BMP6: variants seen among roughly 807,000 people sequenced by gnomAD.
BMP6 encodes VG-1-R.
Under a neutral mutation model 54.1 loss-of-function variants are expected in BMP6, and 17 were observed. The ratio of observed to expected loss-of-function variants is 0.31; its 90% CI spans 0.22 to 0.47. The LOEUF (loss-of-function observed/expected upper bound fraction) is 0.47. Ranked by LOEUF, BMP6 falls within the 20% of genes least tolerant of loss-of-function variation. The probability of loss-of-function intolerance (pLI) is 1.00; values close to 1 mark genes in which losing one functional copy is unlikely to be tolerated. For synonymous variants in BMP6, 328 were observed against 291.2 expected (o/e 1.13, Z -1.28); for missense variants, 720 against 690.4 (o/e 1.04, Z -0.48).
chr6:7,879,850 T>C lies in BMP6; in HGVS notation c.1282-141T>C, dbSNP rs1759684226. On this transcript the variant is annotated intron_variant, in intron 5 of 6. Coordinates refer to ENST00000283147, the MANE Select transcript of BMP6 (RefSeq NM_001718.6). ...CAGCATTGCCACTTGAATGTGAACT[T>C]GGACAAATTCCTAAGCCTTCCTGCG... The C allele has an allele frequency of 4.6e-6, 4 of 869,456 alleles. No individual in the cohort carries two copies. The Admixed American group carries it at 9.1e-5, about 20-fold the overall frequency. 53.9% of individuals were successfully genotyped at this position (869,456 alleles called of 1,614,324 possible).
chr6:7,733,646 T>C (rs117493112), intron 1 of BMP6, among the ~76,000 whole-genome samples: 1 of 152,268 alleles, frequency 6.6e-6, no homozygotes, highest in East Asian at 1.9e-4. Flanking sequence ...ACCAGTGCAT[T>C]ATGTTGTTCT....
At chr6:7,792,920 T>C (rs1293756088) in intron 1 of BMP6, among the ~76,000 whole-genome samples, 1 of 152,216 alleles carries the variant, frequency 6.6e-6, no homozygotes, top group Admixed American at 6.5e-5. Flanking sequence ...TTGTCTACCA[T>C]GTATCAGATG....
intron 1 of BMP6, 109 bp from the exon 2 acceptor site, chr6:7,845,030 TG>T: frequency 1.1e-6 from 1 of 948,136 alleles, no homozygotes; most frequent in Non-Finnish European, 1.6e-6. Flanking sequence ...TAGTAAGCCG[TG>T]GGTAATTGGT....
intron 1 of BMP6, among the ~76,000 whole-genome samples, chr6:7,731,707 G>A (rs897526322): frequency 6.6e-6 from 1 of 152,218 alleles, no homozygotes; most frequent in Non-Finnish European, 1.5e-5. Context: ...TGAGTAAAAT[G>A]TTTACAGTGA....
chr6:7,834,185 CT>C (rs34020369), intron 1 of BMP6, among the ~76,000 whole-genome samples: 92,802 of 107,522 alleles, frequency 0.86, 39,813 homozygotes, highest in East Asian at 0.95. Context: ...AGAACAAATG[CT>C]TTTTTTTTTT....
At chr6:7,791,743 T>G (rs1334240098) in intron 1 of BMP6, among the ~76,000 whole-genome samples, 1 of 152,192 alleles carries the variant, frequency 6.6e-6, no homozygotes, top group Admixed American at 6.5e-5. Context: ...GACGTTGCCA[T>G]GTACTCAGCT....
In BMP6 at chr6:7,821,575, G is replaced by C. The variant is rs545437927; in HGVS notation, c.665-23565G>C. On this transcript the variant is annotated intron_variant, in intron 1 of 6. Coordinates refer to ENST00000283147, the MANE Select transcript of BMP6 (RefSeq NM_001718.6). ...CCTGTAGTTATCAGTAGGCATCATA[G>C]TGTAATGATGACTGTGTGGGTTTGG... Among the ~76,000 whole-genome samples, 139 of 152,336 alleles carry C rather than the reference G, an allele frequency of 9.1e-4. 2 individuals are homozygous for C. Among genetic ancestry groups the C allele is most frequent in the African/African-American group, 3.1e-3 (130 of 41,572 alleles).
chr6:7,817,884 T>C (rs985344613), intron 1 of BMP6, among the ~76,000 whole-genome samples: 5 of 152,222 alleles, frequency 3.3e-5, no homozygotes, highest in African/African-American at 1.2e-4. Context: ...CTTGTACAAA[T>C]GCCTCACATT....
chr6:7,737,583 G>A (rs1200354902), intron 1 of BMP6, among the ~76,000 whole-genome samples: 1 of 152,064 alleles, frequency 6.6e-6, no homozygotes, highest in Non-Finnish European at 1.5e-5. Flanking sequence ...GTAGCTGCAG[G>A]GGTGAAGGAG....
intron 1 of BMP6, among the ~76,000 whole-genome samples, chr6:7,843,203 ACTT>A (rs1301510216): frequency 2.0e-5 from 3 of 151,846 alleles, no homozygotes; most frequent in Admixed American, 1.3e-4. Context: ...TTCTGGTTGG[ACTT>A]CTTCTTGCTT....
chr6:7,834,202 TTTTAGG>T (rs1252920055), intron 1 of BMP6, among the ~76,000 whole-genome samples: 4,048 of 150,600 alleles, frequency 0.027, 65 homozygotes, highest in African/African-American at 0.037. Context: ...TTTTTTTTTT[TTTTAGG>T]AAAAAAAAGT....
At chr6:7,876,477 G>A (rs1316536153) in intron 4 of BMP6, among the ~76,000 whole-genome samples, 1 of 152,106 alleles carries the variant, frequency 6.6e-6, no homozygotes, top group East Asian at 1.9e-4. Context: ...TTAGAAATTT[G>A]TTGGACTTTT....
chr6:7,734,620 C>G (rs1264791327), intron 1 of BMP6, among the ~76,000 whole-genome samples: 4 of 152,178 alleles, frequency 2.6e-5, no homozygotes, highest in Non-Finnish European at 4.4e-5. Flanking sequence ...TATAAATGTC[C>G]AAAGGACTGT....
chr6:7,726,946 CCGGG>C lies in BMP6; in HGVS notation c.-5_-2del, dbSNP rs1335577959. The C allele has an allele frequency of 1.8e-6, 2 of 1,133,238 alleles. No individual in the cohort carries two copies. Among genetic ancestry groups the C allele is most frequent in the Non-Finnish European group, 2.2e-6 (2 of 924,790 alleles). The allele number at this position is 1,133,238 out of a possible 1,614,324, so 70.2% of individuals were successfully genotyped here. On this transcript the variant is annotated 5_prime_UTR_variant, in exon 1 of 7. Transcript: ENST00000283147. ...CGCGGGATCCGCGGGGGCAGCCCGG[CCGGG>C]CGGGGATGCCGGGGCTGGGGCGGAG...
At chr6:7,768,208 C>G (rs941517652) in intron 1 of BMP6, among the ~76,000 whole-genome samples, 1 of 152,118 alleles carries the variant, frequency 6.6e-6, no homozygotes. Flanking sequence ...CCTTTCCTCT[C>G]CCACTGTGAA....
intron 1 of BMP6, among the ~76,000 whole-genome samples, chr6:7,732,100 T>C (rs1761870582): frequency 6.6e-6 from 1 of 152,212 alleles, no homozygotes; most frequent in Non-Finnish European, 1.5e-5. Flanking sequence ...TAACTAGATA[T>C]AATGCGCTAT....
chr6:7,738,002 C>G (rs1761979822), intron 1 of BMP6, among the ~76,000 whole-genome samples: 1 of 150,932 alleles, frequency 6.6e-6, no homozygotes, highest in Admixed American at 6.6e-5. Flanking sequence ...ATATCTTGTT[C>G]AAGCCACTTA....
intron 4 of BMP6, among the ~76,000 whole-genome samples, chr6:7,869,966 C>A (rs1168018471): frequency 6.6e-6 from 1 of 152,114 alleles, no homozygotes; most frequent in Non-Finnish European, 1.5e-5. Flanking sequence ...AGGAAGGGAG[C>A]TATGGCCCCT....
At chr6:7,820,034 G>A (rs1327371126) in intron 1 of BMP6, among the ~76,000 whole-genome samples, 1 of 152,144 alleles carries the variant, frequency 6.6e-6, no homozygotes, top group Non-Finnish European at 1.5e-5. Context: ...AATAATGTAG[G>A]TGTGTTTTAT....
Sources: gnomAD v4.1 joint callset for allele counts (sites outside exome capture counted in the v4.1 genomes callset) on GRCh38, gnomAD v4.1.1 for gene constraint, MANE v1.5 for transcripts, NCBI Gene and HGNC (gene_info 2026-07-23, HGNC 2026-07-21) for gene names.